ADARB2: variants seen among roughly 807,000 people sequenced by gnomAD.
The protein encoded by ADARB2 is inactive double-stranded RNA-specific editase B2.
In ADARB2, 25 loss-of-function variants were observed where a neutral mutation model predicts 62.2. The ratio of observed to expected loss-of-function variants is 0.40; its 90% confidence interval spans 0.29 to 0.56. ADARB2 has a LOEUF of 0.56. ADARB2 is among the 20% of genes least tolerant of loss of function. The pLI, the probability that ADARB2 is intolerant of heterozygous loss-of-function variation, is 0.43. For missense variants in ADARB2, 1,071 were observed against 1,077.4 expected (o/e 0.99, Z 0.08); for synonymous variants, 572 against 500.8 (o/e 1.14, Z -1.90).
At chr10:1,608,433 T>C (rs913918054) in intron 1 of ADARB2, among the ~76,000 whole-genome samples, 1 of 148,512 alleles carries the variant, frequency 6.7e-6, no homozygotes, top group African/African-American at 2.5e-5. Context: ...TCGGGGACCA[T>C]TGACAGACGG....
At chr10:1,395,994 T>C (rs1433907613) in intron 1 of ADARB2, among the ~76,000 whole-genome samples, 1 of 152,232 alleles carries the variant, frequency 6.6e-6, no homozygotes, top group Non-Finnish European at 1.5e-5. Context: ...AGCCACATTG[T>C]CTGCTCTGAG....
intron 1 of ADARB2, among the ~76,000 whole-genome samples, chr10:1,586,516 A>C (rs763889645): frequency 6.6e-6 from 1 of 152,216 alleles, no homozygotes; most frequent in African/African-American, 2.4e-5. Context: ...GCATTTCAAC[A>C]TGGTGCCAAG....
chr10:1,358,127 G>T (rs532475036), intron 3 of ADARB2, among the ~76,000 whole-genome samples: 1 of 152,310 alleles, frequency 6.6e-6, no homozygotes, highest in South Asian at 2.1e-4. Flanking sequence ...CAAAGAAGTG[G>T]CTTCATCTTG....
chr10:1,665,188 T>G (rs919728467), intron 1 of ADARB2, among the ~76,000 whole-genome samples: 2 of 152,222 alleles, frequency 1.3e-5, no homozygotes, highest in Non-Finnish European at 2.9e-5. Flanking sequence ...CTTCAACATC[T>G]TTAATTTTAG....
intron 1 of ADARB2, among the ~76,000 whole-genome samples, chr10:1,571,805 G>A (rs1832939782): frequency 6.6e-6 from 1 of 151,016 alleles, no homozygotes; most frequent in South Asian, 2.1e-4. Context: ...GAGTGGACAG[G>A]TGAGTGGACA....
intron 1 of ADARB2, among the ~76,000 whole-genome samples, chr10:1,690,189 T>C (rs146877871): frequency 0.013 from 1,944 of 152,338 alleles, 42 homozygotes; most frequent in African/African-American, 0.044. Flanking sequence ...CACAGGGCTG[T>C]GCAGCTTGTT....
chr10:1,278,222 C>A (rs1301485463), intron 3 of ADARB2, among the ~76,000 whole-genome samples: 1 of 152,052 alleles, frequency 6.6e-6, no homozygotes, highest in African/African-American at 2.4e-5. Context: ...TCAGGTGATC[C>A]TCCCGCCTTG....
chr10:1,192,936 C>G (rs150870642), intron 8 of ADARB2, among the ~76,000 whole-genome samples: 30 of 152,350 alleles, frequency 2.0e-4, no homozygotes, highest in African/African-American at 7.2e-4. Context: ...GAGCGAGACT[C>G]CGTCTCAAAA....
chr10:1,320,449 GT>G (rs1831784926), intron 3 of ADARB2, among the ~76,000 whole-genome samples: 1 of 152,230 alleles, frequency 6.6e-6, no homozygotes, highest in Non-Finnish European at 1.5e-5. Context: ...GAGGAGGCCA[GT>G]ATCTGAGCTC....
chr10:1,249,169 C>T lies in ADARB2; in HGVS notation c.1193-6870G>A, dbSNP rs374991879. 5.7e-4 allele frequency among the ~76,000 whole-genome samples: 86 copies of T among 152,198 alleles called. 1 individual carries two copies. The highest frequency in any genetic ancestry group is 1.9e-3 in the African/African-American group (79 of 41,458). ...TATTAAAAAATTAAGGCCAGGCACA[C>T]AGTGGTTCACACCTGTAATCCCAGC... On this transcript the variant is annotated intron_variant, in intron 4 of 9. Transcript: ENST00000381312.
chr10:1,651,963 C>T (rs535087064), intron 1 of ADARB2, among the ~76,000 whole-genome samples: 6 of 152,338 alleles, frequency 3.9e-5, no homozygotes, highest in African/African-American at 7.2e-5. Flanking sequence ...TTGAGAAAAA[C>T]GACACTATAA....
At chr10:1,479,035 C>A (rs994978061) in intron 1 of ADARB2, among the ~76,000 whole-genome samples, 1 of 152,176 alleles carries the variant, frequency 6.6e-6, no homozygotes, top group Non-Finnish European at 1.5e-5. Context: ...GGCATAACAG[C>A]CAAGAGGGGA....
At chr10:1,561,727 C>G (rs918476089) in intron 1 of ADARB2, among the ~76,000 whole-genome samples, 1 of 152,146 alleles carries the variant, frequency 6.6e-6, no homozygotes, top group African/African-American at 2.4e-5. Flanking sequence ...AGAACTCCCC[C>G]CAGGTGGAGG....
chr10:1,547,396 A>T (rs1832539256), intron 1 of ADARB2, among the ~76,000 whole-genome samples: 2 of 90,970 alleles, frequency 2.2e-5, no homozygotes, highest in Non-Finnish European at 4.4e-5. Flanking sequence ...TTGGGGGGAG[A>T]GGCTGCACTG....
At position 1,191,775 on chromosome 10, in the gene ADARB2, G is replaced by A. The variant is rs1422677533; in HGVS notation, c.1865-6736C>T. Reference sequence around the variant, plus strand: ...TGAATATTCTGCCAGGTTGTCTGGTGTACAGAGATCAGCCTGATGAGATTG... The same window carrying A: ...TGAATATTCTGCCAGGTTGTCTGGTATACAGAGATCAGCCTGATGAGATTG... On this transcript the variant is annotated intron_variant, in intron 8 of 9. Coordinates refer to ENST00000381312, the MANE Select transcript of ADARB2 (RefSeq NM_018702.4). Among the ~76,000 whole-genome samples the A allele has an allele frequency of 2.6e-5, 4 of 152,214 alleles. No homozygotes were observed. The South Asian group carries it at 8.3e-4, about 31-fold the overall frequency.
chr10:1,647,576 T>C (rs762681367), intron 1 of ADARB2, among the ~76,000 whole-genome samples: 2 of 152,118 alleles, frequency 1.3e-5, no homozygotes, highest in African/African-American at 2.4e-5. Context: ...TGCATGTATG[T>C]GTGTGTATAG....
In ADARB2 at chr10:1,264,790, C is replaced by G. The variant is rs11250369; in HGVS notation, c.1192+6165G>C. On this transcript the variant is annotated intron_variant, in intron 4 of 9. Coordinates refer to ENST00000381312, the MANE Select transcript of ADARB2 (RefSeq NM_018702.4). ...TGGGCTGTTTTTACAAAGTTGAACT[C>G]TACCAGGCTGTTTTCAAGAAATGTG... Among the ~76,000 whole-genome samples the G allele has an allele frequency of 2.9e-3, 444 of 152,282 alleles. 1 individual carries two copies. Among genetic ancestry groups the G allele is most frequent in the African/African-American group, 9.8e-3 (406 of 41,564 alleles).
At chr10:1,526,777 A>T in intron 1 of ADARB2, 1 of 495,786 alleles carries the variant, frequency 2.0e-6, no homozygotes, top group Admixed American at 2.1e-5. Flanking sequence ...GATGACATGA[A>T]GCAGCTGTTC....
At chr10:1,665,564 G>A (rs1451197654) in intron 1 of ADARB2, among the ~76,000 whole-genome samples, 1 of 152,284 alleles carries the variant, frequency 6.6e-6, no homozygotes, top group African/African-American at 2.4e-5. Context: ...GCTAGGCCCT[G>A]CATGCCGGGG....
Sources: gnomAD v4.1 joint callset for allele counts (sites outside exome capture counted in the v4.1 genomes callset) on GRCh38, gnomAD v4.1.1 for gene constraint, MANE v1.5 for transcripts, NCBI Gene and HGNC (gene_info 2026-07-23, HGNC 2026-07-21) for gene names.